Variants in MGAT4C observed in about 807,000 individuals in gnomAD.
MGAT4C encodes MGAT4 family member C.
Under a neutral mutation model 40.1 loss-of-function variants are expected in MGAT4C, and 19 were observed. The observed-to-expected ratio is 0.47, with a 90% CI of 0.33 to 0.70. MGAT4C has a LOEUF of 0.70. MGAT4C is among the 30% of genes least tolerant of loss of function. MGAT4C has a pLI of 0.02. For synonymous variants in MGAT4C, 181 were observed against 187.1 expected, an observed-to-expected ratio of 0.97 and a Z score of 0.27; for missense variants, 491 against 563.2, an observed-to-expected ratio of 0.87 and a Z score of 1.30.
chr12:86,691,529 C>T (rs903404780), intron 2 of MGAT4C, among the ~76,000 whole-genome samples: 25 of 152,030 alleles, frequency 1.6e-4, no homozygotes, highest in African/African-American at 4.6e-4. Flanking sequence ...CAAATGTGAG[C>T]GAAATGGAAT....
At chr12:86,768,543 A>G (rs933357557) in intron 1 of MGAT4C, among the ~76,000 whole-genome samples, 3 of 151,916 alleles carry the variant, frequency 2.0e-5, no homozygotes, top group African/African-American at 7.2e-5. Context: ...GAACCAAAAA[A>G]GAGCCTGCAT....
At chr12:86,186,179 C>T (rs1053649899) in intron 1 of MGAT4C, among the ~76,000 whole-genome samples, 1 of 152,046 alleles carries the variant, frequency 6.6e-6, no homozygotes, top group African/African-American at 2.4e-5. Context: ...CATAGGGTAC[C>T]AATACCATAC....
intron 2 of MGAT4C, among the ~76,000 whole-genome samples, chr12:86,474,524 A>G (rs1454869336): frequency 6.6e-6 from 1 of 151,994 alleles, no homozygotes; most frequent in Non-Finnish European, 1.5e-5. Context: ...GTATAATAAT[A>G]ATAATAAAAG....
intron 3 of MGAT4C, among the ~76,000 whole-genome samples, chr12:86,359,123 C>A (rs752236528): frequency 9.3e-4 from 142 of 152,328 alleles, no homozygotes; most frequent in Middle Eastern, 3.4e-3. Context: ...TCACAACAAA[C>A]TGTCTTTCAG....
chr12:86,259,751 A>T (rs187950673), upstream of MGAT4C, among the ~76,000 whole-genome samples: 54 of 5,326 alleles, frequency 0.01, 1 homozygote, highest in East Asian at 0.49. Context: ...CTCTATAGAC[A>T]TCAATTTAAG....
intron 1 of MGAT4C, chr12:86,068,121 A>G (rs1008125789): frequency 2.0e-5 from 3 of 152,294 alleles, no homozygotes; most frequent in East Asian, 3.9e-4. Flanking sequence ...ATACCTTACT[A>G]AAGTTTCTCT....
intron 1 of MGAT4C, among the ~76,000 whole-genome samples, chr12:86,785,570 T>G (rs1951917006): frequency 6.6e-6 from 1 of 151,912 alleles, no homozygotes; most frequent in Non-Finnish European, 1.5e-5. Flanking sequence ...AAAACCTTTT[T>G]TATGTTTTAG....
At chr12:86,642,145 G>C (rs1006714266) in intron 2 of MGAT4C, among the ~76,000 whole-genome samples, 3 of 151,740 alleles carry the variant, frequency 2.0e-5, no homozygotes, top group Admixed American at 6.6e-5. Context: ...AGATAAGAAG[G>C]AATTAATGCT....
chr12:86,596,399 A>T (rs1185560359), intron 2 of MGAT4C, among the ~76,000 whole-genome samples: 1 of 152,138 alleles, frequency 6.6e-6, no homozygotes, highest in African/African-American at 2.4e-5. Context: ...AGGCCCGGGG[A>T]CTATCGTTAA....
intron 1 of MGAT4C, among the ~76,000 whole-genome samples, chr12:86,168,730 C>T (rs1388861770): frequency 6.6e-6 from 1 of 152,048 alleles, no homozygotes; most frequent in Non-Finnish European, 1.5e-5. Context: ...TTCCACTGTT[C>T]CTGATGCCTA....
intron 1 of MGAT4C, among the ~76,000 whole-genome samples, chr12:86,214,485 G>A (rs11103888): frequency 0.048 from 7,248 of 152,234 alleles, 187 homozygotes; most frequent in Non-Finnish European, 0.054. Context: ...AAATGCCATA[G>A]ACAGGGTGGC....
chr12:86,205,642 T>G lies in MGAT4C; in HGVS notation c.-57+50597A>C, dbSNP rs539867534. Among the ~76,000 whole-genome samples the G allele has an allele frequency of 2.6e-5, 4 of 152,112 alleles. No homozygotes were observed. In the South Asian group the frequency reaches 8.3e-4, roughly 32 times the overall value. ...TAATGTTTGAAATTTCCTATAAAAC[T>G]GGTTCTTAAACCCTTCAACTACTAG... On this transcript the variant is annotated intron_variant, in intron 1 of 4. Coordinates refer to ENST00000611864, the MANE Select transcript of MGAT4C (RefSeq NM_001351288.2).
At chr12:86,732,116 A>T (rs1175440677) in intron 1 of MGAT4C, among the ~76,000 whole-genome samples, 1 of 152,324 alleles carries the variant, frequency 6.6e-6, no homozygotes, top group South Asian at 2.1e-4. Context: ...CAAAAACTCA[A>T]GTTTACTAGA....
At chr12:86,012,781 C>CAACAACAACA (rs763608266) in intron 2 of MGAT4C, among the ~76,000 whole-genome samples, 1,661 of 98,098 alleles carry the variant, frequency 0.017, 17 homozygotes, top group African/African-American at 0.043. Flanking sequence ...CAACAACAAC[C>CAACAACAACA]ACCACCACCA....
chr12:86,446,773 A>C (rs1313699511), intron 2 of MGAT4C, among the ~76,000 whole-genome samples: 1 of 147,358 alleles, frequency 6.8e-6, no homozygotes, highest in Non-Finnish European at 1.5e-5. Flanking sequence ...GAATATATGT[A>C]AATTTGGGCA....
intron 4 of MGAT4C, among the ~76,000 whole-genome samples, chr12:86,298,971 A>T (rs1953746658): frequency 6.6e-6 from 1 of 152,168 alleles, no homozygotes. Flanking sequence ...TTATAATCAT[A>T]ACACATAGTA....
At chr12:86,625,097 G>A (rs1447643789) in intron 2 of MGAT4C, among the ~76,000 whole-genome samples, 3 of 151,958 alleles carry the variant, frequency 2.0e-5, no homozygotes, top group Admixed American at 2.0e-4. Context: ...TTTATAAGGG[G>A]ATTTTAATGG....
chr12:86,261,756 G>A (rs1194353223), intron 4 of MGAT4C, among the ~76,000 whole-genome samples: 5 of 151,934 alleles, frequency 3.3e-5, no homozygotes, highest in Admixed American at 3.3e-4. Context: ...TTGTACCTTG[G>A]GGTTTCACTC....
chr12:86,425,474 T>C (rs905093556), intron 3 of MGAT4C, among the ~76,000 whole-genome samples: 6 of 152,228 alleles, frequency 3.9e-5, no homozygotes, highest in Non-Finnish European at 5.9e-5. Flanking sequence ...GCCATAATTG[T>C]AAGTTTCCTG....
Sources: allele counts gnomAD v4.1 joint callset (sites outside exome capture counted in the v4.1 genomes callset), GRCh38; gene constraint gnomAD v4.1.1; transcripts MANE v1.5; gene names NCBI Gene and HGNC (gene_info 2026-07-23, HGNC 2026-07-21).